Variants in SLC24A4 observed in about 807,000 individuals in gnomAD.
The protein encoded by SLC24A4 is sodium/potassium/calcium exchanger 4.
In SLC24A4, 53 loss-of-function variants were observed where a neutral mutation model predicts 79.0. The ratio of observed to expected loss-of-function variants is 0.67; its 90% CI spans 0.54 to 0.84. The LOEUF (loss-of-function observed/expected upper bound fraction) is 0.84. Ranked by LOEUF, SLC24A4 falls within the 40% of genes least tolerant of loss-of-function variation. The probability of loss-of-function intolerance (pLI) is 0.00; values close to 1 mark genes in which losing one functional copy is unlikely to be tolerated. For missense variants in SLC24A4, 731 were observed against 822.0 expected (o/e 0.89, Z 1.35); for synonymous variants, 323 against 323.8 (o/e 1.00, Z 0.03).
At chr14:92,485,833 A>G (rs900095440) in intron 13 of SLC24A4, among the ~76,000 whole-genome samples, 2 of 152,230 alleles carry the variant, frequency 1.3e-5, no homozygotes, top group African/African-American at 2.4e-5. Flanking sequence ...ACCTTGAGGT[A>G]TAAACCCCAC....
Position 92,499,428 on chromosome 14 carries a change from G to T in SLC24A4, c.*5800G>T, listed in dbSNP as rs1188830330. On this transcript the variant is annotated 3_prime_UTR_variant, in exon 17 of 17. Transcript: ENST00000532405. ...GCTTTTCTATCCCTTGGATTTACAG[G>T]TCTGGGAATTGGCTGCTTCTTAGTT... The T allele has an allele frequency of 6.6e-6, 1 of 152,198 alleles. No individual in the cohort carries two copies. Among genetic ancestry groups the T allele is most frequent in the Non-Finnish European group, 1.5e-5 (1 of 68,038 alleles). The allele number at this position is 152,198 out of a possible 1,614,324, so 9.4% of individuals were successfully genotyped here.
chr14:92,446,971 C>T (rs1221470234), intron 8 of SLC24A4, among the ~76,000 whole-genome samples: 2 of 152,224 alleles, frequency 1.3e-5, no homozygotes, highest in African/African-American at 2.4e-5. Context: ...ACACCCACAG[C>T]TTCTCTGGCT....
rs776107500 is a variant in SLC24A4, at chr14:92,445,091, G to A, written c.658-226G>A. Among the ~76,000 whole-genome samples, 17 of 152,242 alleles carry A rather than the reference G, an allele frequency of 1.1e-4. 1 individual carries two copies. In the Middle Eastern group the frequency reaches 0.014, roughly 122 times the overall value. On this transcript the variant is annotated intron_variant, in intron 7 of 16. Transcript: ENST00000532405. ...CTTGGACTGTTATAAAGCACAGGACGTATCTCTGGGGGTGGCCATGCTAAG... is the reference window on the plus strand; with the variant it reads ...CTTGGACTGTTATAAAGCACAGGACATATCTCTGGGGGTGGCCATGCTAAG...
At chr14:92,416,272 G>A (rs948702721) in intron 2 of SLC24A4, among the ~76,000 whole-genome samples, 2 of 152,204 alleles carry the variant, frequency 1.3e-5, no homozygotes, top group Admixed American at 6.5e-5. Context: ...GTGGGAAGCA[G>A]AGATGCGTTT....
intron 1 of SLC24A4, among the ~76,000 whole-genome samples, chr14:92,325,239 T>A (rs552644303): frequency 6.6e-6 from 1 of 152,386 alleles, no homozygotes; most frequent in East Asian, 1.9e-4. Flanking sequence ...TTTTATTTGC[T>A]GGATCAGGAA....
chr14:92,349,493 G>A (rs1466878718), intron 2 of SLC24A4, among the ~76,000 whole-genome samples: 1 of 152,170 alleles, frequency 6.6e-6, no homozygotes, highest in African/African-American at 2.4e-5. Context: ...GGACATTTCC[G>A]TTTTTAGACT....
intron 8 of SLC24A4, among the ~76,000 whole-genome samples, chr14:92,445,960 G>A (rs1892772946): frequency 6.6e-6 from 1 of 152,324 alleles, no homozygotes; most frequent in African/African-American, 2.4e-5. Flanking sequence ...TACTAAGGAG[G>A]CTGAGGTGGG....
intron 2 of SLC24A4, among the ~76,000 whole-genome samples, chr14:92,369,025 A>G (rs1888007204): frequency 6.6e-6 from 1 of 152,128 alleles, no homozygotes; most frequent in Admixed American, 6.5e-5. Flanking sequence ...ATCCTGAGGG[A>G]GGACTCTAAA....
intron 2 of SLC24A4, among the ~76,000 whole-genome samples, chr14:92,335,465 C>T (rs941075988): frequency 6.6e-6 from 1 of 152,138 alleles, no homozygotes; most frequent in Non-Finnish European, 1.5e-5. Context: ...AGCAATTCTC[C>T]TCCCTCAGCC....
At chr14:92,343,720 TGA>T (rs745919868) in intron 2 of SLC24A4, among the ~76,000 whole-genome samples, 19 of 133,012 alleles carry the variant, frequency 1.4e-4, no homozygotes, top group Non-Finnish European at 3.0e-4. Context: ...TTTCTTTTTT[TGA>T]GACAGAGTCT....
intron 12 of SLC24A4, among the ~76,000 whole-genome samples, chr14:92,459,658 C>T (rs138387818): frequency 1.2e-3 from 189 of 152,278 alleles, no homozygotes; most frequent in Non-Finnish European, 2.3e-3. Context: ...AGGTGTTGTC[C>T]CTGGAAACCA....
At chr14:92,483,789 C>G in intron 13 of SLC24A4, 1 of 1,289,940 alleles carries the variant, frequency 7.8e-7, no homozygotes, top group East Asian at 5.5e-5. Flanking sequence ...GAAACTCACT[C>G]TCAGCCCCTT....
In SLC24A4 at chr14:92,493,930, C is replaced by T; in HGVS notation, c.*302C>T. 1 of 343,264 alleles carries T rather than the reference C, an allele frequency of 2.9e-6. No homozygotes were observed. Among genetic ancestry groups the T allele is most frequent in the Non-Finnish European group, 5.4e-6 (1 of 186,740 alleles). 21.3% of individuals were successfully genotyped at this position (343,264 alleles called of 1,614,324 possible). ...CCAAGCATCTCATCTCTCCTGCACA[C>T]TTTAGTCAGAAGGACTTCTGCATGC... On this transcript the variant is annotated 3_prime_UTR_variant, in exon 17 of 17. Transcript: ENST00000532405.
intron 12 of SLC24A4, among the ~76,000 whole-genome samples, chr14:92,481,177 G>A (rs1049585609): frequency 1.3e-5 from 2 of 152,178 alleles, no homozygotes; most frequent in East Asian, 1.9e-4. Context: ...CAGCAGTCTC[G>A]AGTCTTTCCT....
chr14:92,410,136 A>G (rs1890628728), intron 2 of SLC24A4, among the ~76,000 whole-genome samples: 1 of 152,170 alleles, frequency 6.6e-6, no homozygotes, highest in African/African-American at 2.4e-5. Context: ...CTGTGACGCA[A>G]GTTTACCTGT....
intron 13 of SLC24A4, chr14:92,484,272 C>T: frequency 1.0e-6 from 1 of 985,410 alleles, no homozygotes; most frequent in Non-Finnish European, 1.2e-6. Flanking sequence ...CCGGCTCCCT[C>T]ACCTCAGATG....
At chr14:92,432,935 G>T (rs2139787695) in intron 2 of SLC24A4, among the ~76,000 whole-genome samples, 1 of 152,290 alleles carries the variant, frequency 6.6e-6, no homozygotes, top group East Asian at 1.9e-4. Flanking sequence ...TGTTTAAGGG[G>T]TTTACAAGGG....
At chr14:92,358,912 C>CT (rs1390425435) in intron 2 of SLC24A4, among the ~76,000 whole-genome samples, 1 of 151,984 alleles carries the variant, frequency 6.6e-6, no homozygotes, top group Non-Finnish European at 1.5e-5. Flanking sequence ...TCTTGAACTC[C>CT]TGACCTCAAG....
chr14:92,348,512 GT>G (rs1450231656), intron 2 of SLC24A4, among the ~76,000 whole-genome samples: 1 of 152,222 alleles, frequency 6.6e-6, no homozygotes, highest in Non-Finnish European at 1.5e-5. Context: ...TGCTGATCCT[GT>G]TCTAGGTCAC....
Sources: gnomAD v4.1 joint callset for allele counts (sites outside exome capture counted in the v4.1 genomes callset) on GRCh38, gnomAD v4.1.1 for gene constraint, MANE v1.5 for transcripts, NCBI Gene and HGNC (gene_info 2026-07-23, HGNC 2026-07-21) for gene names.